Variants in NEB observed in about 807,000 individuals in gnomAD.
NEB encodes the protein nemaline myopathy type 2.
Under a neutral mutation model 952.2 loss-of-function variants are expected in NEB, and 512 were observed. That is an observed-to-expected ratio of 0.54 (90% CI 0.50 to 0.58). The LOEUF (loss-of-function observed/expected upper bound fraction) is 0.58, where lower values mean the gene tolerates loss of function less well. Among genes scored for constraint, NEB ranks in the 20% least tolerant of loss-of-function variants. NEB has a pLI of 0.00. For synonymous variants in NEB, 2,900 were observed against 3,149.8 expected, an observed-to-expected ratio of 0.92 and a Z score of 2.66; for missense variants, 8,428 against 9,231.1, an observed-to-expected ratio of 0.91 and a Z score of 3.56.
At position 151,665,437 on chromosome 2, in the gene NEB, T is replaced by A; in HGVS notation, c.5134A>T (p.Ser1712Cys). 1 of 1,613,728 alleles carries A rather than the reference T, an allele frequency of 6.2e-7. No homozygotes were observed. ...EKAKKAGEILSEKKYRQHPEK... is the reference protein window; with the variant it reads ...EKAKKAGEILCEKKYRQHPEK... ...GGGTGCTGGCGATACTTCTTCTCAC[T>A]AAGAATCTCTCCTGCTTTCTTTGCC... Residue 1712 changes from serine (S) to cysteine (C), a missense_variant, in exon 42 of 182, where the codon AGT becomes TGT. This residue lies in a region of NEB where 2,851 missense variants were observed against 2,791.5 expected (regional missense o/e 1.02). Coordinates refer to ENST00000397345, the MANE Select transcript of NEB (RefSeq NM_001164508.2).
intron 105 of NEB, among the ~76,000 whole-genome samples, chr2:151,577,174 C>T (rs2096899100): frequency 6.6e-6 from 1 of 152,180 alleles, no homozygotes; most frequent in African/African-American, 2.4e-5. Flanking sequence ...ACAACATTCC[C>T]CCATCCTATG....
rs778905842 is a variant in NEB, at chr2:151,655,253, T to G, written c.6807+17A>C. ...GTTTCAATACAAAACTTAAAATTAA[T>G]TTTTATATAAATTTACCTGACTATA... On this transcript the variant is annotated intron_variant, in intron 51 of 181. Coordinates refer to ENST00000397345, the MANE Select transcript of NEB (RefSeq NM_001164508.2). The G allele has an allele frequency of 1.4e-6, 2 of 1,394,258 alleles. No homozygotes were observed. The highest frequency in any genetic ancestry group is 2.4e-5 in the East Asian group (1 of 41,902). The allele number at this position is 1,394,258 out of a possible 1,614,324, so 86.4% of individuals were successfully genotyped here.
intron 138 of NEB, among the ~76,000 whole-genome samples, chr2:151,539,536 T>G (rs2093727433): frequency 6.6e-6 from 1 of 152,180 alleles, no homozygotes; most frequent in Admixed American, 6.5e-5. Flanking sequence ...GAAGTTGGCT[T>G]GATTTTTGGC....
intron 13 of NEB, among the ~76,000 whole-genome samples, chr2:151,705,177 A>C (rs1304943254): frequency 6.6e-6 from 1 of 152,136 alleles, no homozygotes; most frequent in Non-Finnish European, 1.5e-5. Flanking sequence ...AAAATTATAT[A>C]TATATATATG....
intron 60 of NEB, among the ~76,000 whole-genome samples, chr2:151,641,344 G>A (rs989370641): frequency 3.3e-5 from 5 of 151,794 alleles, no homozygotes; most frequent in Admixed American, 3.3e-4. Flanking sequence ...GTTTTGTTTT[G>A]TATTTTAGAA....
chr2:151,642,814 T>C lies in NEB; in HGVS notation c.8216A>G (p.Asp2739Gly). 1 of 1,613,210 alleles carries C rather than the reference T, an allele frequency of 6.2e-7. No individual in the cohort carries two copies. Among genetic ancestry groups the C allele is most frequent in the Non-Finnish European group, 8.5e-7 (1 of 1,179,464 alleles). The change falls in exon 59 of 182, where the codon GAT (aspartate) becomes GGT (glycine). Residue 2739 changes from aspartate to glycine, a missense_variant. Asp to Gly is a moderately conservative substitution (Grantham distance 94). Transcript: ENST00000397345. ...TTTAGCTAATAAAACTTCAGGGGTA[T>C]CTGGCATAATGTGGACAGTGGTTTT... ...KDKTTVHIMP[D>G]TPEVLLAKQN...
chr2:151,491,936 A>C (rs1419058297), intron 178 of NEB, 161 bp from the exon 179 acceptor site: 2 of 977,508 alleles, frequency 2.0e-6, no homozygotes, highest in African/African-American at 3.3e-5. Flanking sequence ...AAGATAAGGT[A>C]GAAATCAGCT....
At chr2:151,614,226 A>T in intron 77 of NEB, 50 bp downstream of exon 77, 8 of 1,583,196 alleles carry the variant, frequency 5.1e-6, no homozygotes, top group Non-Finnish European at 6.9e-6. Context: ...GGCACAAAAG[A>T]GTTAGAATGC....
intron 162 of NEB, chr2:151,507,731 G>T (rs1641670597): frequency 2.7e-6 from 1 of 367,342 alleles, no homozygotes; most frequent in Admixed American, 4.0e-5. Context: ...TGTTACAGGG[G>T]TTTTCGCCAT....
chr2:151,619,820 C>A, intron 72 of NEB, 58 bp from the exon 73 acceptor site: 1 of 1,519,528 alleles, frequency 6.6e-7, no homozygotes, highest in Middle Eastern at 1.8e-4. Context: ...CCCTGTTGTT[C>A]TTTCTGTGGT....
chr2:151,546,756 A>G (rs1180117293), intron 133 of NEB, among the ~76,000 whole-genome samples: 6 of 151,882 alleles, frequency 4.0e-5, no homozygotes, highest in Non-Finnish European at 8.8e-5. Context: ...ACAGGGTTTC[A>G]CCATGTTGGC....
chr2:151,707,543 G>A (rs755494167), intron 12 of NEB, among the ~76,000 whole-genome samples: 1 of 152,134 alleles, frequency 6.6e-6, no homozygotes, highest in Non-Finnish European at 1.5e-5. Context: ...CAGGGAGAAG[G>A]AGCCTTGCTT....
At chr2:151,661,750 C>T (rs1296912651) in intron 46 of NEB, among the ~76,000 whole-genome samples, 1 of 152,114 alleles carries the variant, frequency 6.6e-6, no homozygotes, top group Non-Finnish European at 1.5e-5. Flanking sequence ...TTCTTTGATC[C>T]CATCAAAGCA....
In NEB at chr2:151,640,341, C is replaced by T. The variant is rs368703295; in HGVS notation, c.8685+14G>A. Reference sequence around the variant, plus strand: ...TTCCCACCTCTGCACGTTATTATGACTCTCAGTACTCACATCGCTCTGGAG... The same window carrying T: ...TTCCCACCTCTGCACGTTATTATGATTCTCAGTACTCACATCGCTCTGGAG... On this transcript the variant is annotated intron_variant, in intron 61 of 181. Transcript: ENST00000397345. The T allele has an allele frequency of 9.9e-6, 16 of 1,610,334 alleles. No homozygotes were observed. Among genetic ancestry groups the T allele is most frequent in the Admixed American group, 8.3e-5 (5 of 59,950 alleles).
chr2:151,513,672 C>T lies in NEB; in HGVS notation c.23149G>A (p.Glu7717Lys), dbSNP rs766321668. 2 of 1,604,370 alleles carry T rather than the reference C, an allele frequency of 1.2e-6. No homozygotes were observed. Among genetic ancestry groups the T allele is most frequent in the Non-Finnish European group, 1.7e-6 (2 of 1,174,946 alleles). ...LNEKEYKRDL[E>K]LEVKGRGLNA... is the part of the protein sequence containing the mutation. ...AGGCCTCTTCCTTTGACTTCCAGTT[C>T]CAGGTCTCGCTTATATTCTTTCTAT... Residue 7717 changes from glutamate (E) to lysine (K), a missense_variant, in exon 160 of 182, where the codon GAA (glutamate) becomes AAA (lysine). Glu to Lys is a moderately conservative substitution (Grantham distance 56). This residue lies in a region of NEB where 3,374 missense variants were observed against 3,651.5 expected (regional missense o/e 0.92). Transcript: ENST00000397345.
chr2:151,646,192 G>A lies in NEB; in HGVS notation c.7474C>T (p.His2492Tyr). The change falls in exon 55 of 182, where the codon CAC (histidine) becomes TAC (tyrosine). Residue 2492 changes from histidine (H) to tyrosine (Y), a missense_variant. By Grantham distance (83) the His-to-Tyr change is moderately conservative. This residue lies in a region of NEB where 1,772 missense variants were observed against 1,960.3 expected (regional missense o/e 0.90). Coordinates refer to ENST00000397345, the MANE Select transcript of NEB (RefSeq NM_001164508.2). ...ATGTCAGGTGTATCAGGCATGATGT[G>A]GATCTGAGTCTTGTCTTTGTCCCAA... Reference protein sequence around the residue: ...EAWDKDKTQIHIMPDTPDIVL... With the variant: ...EAWDKDKTQIYIMPDTPDIVL... 1.9e-6 allele frequency: 3 copies of A among 1,604,362 alleles called. No homozygotes were observed. The highest frequency in any genetic ancestry group is 2.6e-6 in the Non-Finnish European group (3 of 1,174,974).
intron 171 of NEB, chr2:151,497,368 A>G: frequency 1.0e-6 from 1 of 982,706 alleles, no homozygotes; most frequent in Non-Finnish European, 1.2e-6. Context: ...GGTGTTATCC[A>G]CACAAACTGA....
chr2:151,537,027 C>G, intron 141 of NEB, 105 bp downstream of exon 141: 1 of 657,514 alleles, frequency 1.5e-6, no homozygotes, highest in South Asian at 2.4e-5. Flanking sequence ...GGTCTAGAAG[C>G]CATGATAGGG....
chr2:151,553,040 G>A (rs1003145759), intron 127 of NEB, among the ~76,000 whole-genome samples: 5 of 152,110 alleles, frequency 3.3e-5, no homozygotes, highest in Non-Finnish European at 5.9e-5. Context: ...TTTAATTTGC[G>A]TGGAAAATCC....
Sources: allele counts gnomAD v4.1 joint callset (sites outside exome capture counted in the v4.1 genomes callset), GRCh38; gene constraint gnomAD v4.1.1; regional missense constraint gnomAD v4.1.1; transcripts MANE v1.5; gene names NCBI Gene and HGNC (gene_info 2026-07-23, HGNC 2026-07-21).